TFAP2A: variants seen among roughly 807,000 people sequenced by gnomAD.
The protein encoded by TFAP2A is transcription factor AP-2-alpha.
Under a neutral mutation model 41.5 loss-of-function variants are expected in TFAP2A, and 7 were observed. The observed-to-expected ratio is 0.17, with a 90% CI of 0.10 to 0.32. The LOEUF (loss-of-function observed/expected upper bound fraction) is 0.32, where lower values mean the gene tolerates loss of function less well. Among genes scored for constraint, TFAP2A ranks in the 10% least tolerant of loss-of-function variants. TFAP2A has a pLI of 1.00. For missense variants in TFAP2A, 416 were observed against 563.3 expected (o/e 0.74, Z 2.65); for synonymous variants, 247 against 242.8 (o/e 1.02, Z -0.16).
intron 1 of TFAP2A, chr6:10,412,091 G>T (rs1757995637): frequency 1.0e-6 from 1 of 995,604 alleles, no homozygotes; most frequent in Admixed American, 5.6e-5. Context: ...GAAATCGAGC[G>T]TGAAGCGGAG....
Position 10,398,162 on chromosome 6 carries a change from A to G in TFAP2A, c.*255T>C. On this transcript the variant is annotated 3_prime_UTR_variant, in exon 7 of 7. Coordinates refer to ENST00000379613, the MANE Select transcript of TFAP2A (RefSeq NM_001372066.1). The surrounding 1 kb of genome is among the most constrained non-coding windows in gnomAD (Gnocchi z 5.3). ...CCTGTTCTGTTCTCTTAGGCTCCAC[A>G]TGAGGGCACAGGGGTGTGGGAGCGG... 5.6e-6 allele frequency: 8 copies of G among 1,422,064 alleles called. No homozygotes were observed. The highest frequency in any genetic ancestry group is 7.3e-6 in the Non-Finnish European group (8 of 1,091,252). 88.1% of individuals were successfully genotyped at this position (1,422,064 alleles called of 1,614,324 possible).
chr6:10,403,316 G>C (rs1392266019), intron 4 of TFAP2A, among the ~76,000 whole-genome samples: 1 of 152,160 alleles, frequency 6.6e-6, no homozygotes. Flanking sequence ...TAATTGTGTG[G>C]ATTAGATTAT....
chr6:10,415,206 G>A, upstream of TFAP2A: 2 of 1,475,118 alleles, frequency 1.4e-6, no homozygotes, highest in Non-Finnish European at 1.8e-6. Flanking sequence ...GGAGAAGGGC[G>A]AGGAGGAGGA....
At chr6:10,414,132 T>C (rs1758135356) in intron 1 of TFAP2A, among the ~76,000 whole-genome samples, 2 of 152,200 alleles carry the variant, frequency 1.3e-5, no homozygotes, top group African/African-American at 4.8e-5. Context: ...CCAGAGGTGG[T>C]CTGCAGCCGC....
chr6:10,400,385 G>T (rs79025376), intron 6 of TFAP2A, 63 bp downstream of exon 6: 22 of 1,610,274 alleles, frequency 1.4e-5, no homozygotes, highest in Non-Finnish European at 1.9e-5. Context: ...GAGCAAAAAC[G>T]ATTTTTGTTT....
rs544361557 is a variant in TFAP2A, at chr6:10,397,914, CTTTT to C, written c.*499_*502del. On this transcript the variant is annotated 3_prime_UTR_variant, in exon 7 of 7. Coordinates refer to ENST00000379613, the MANE Select transcript of TFAP2A (RefSeq NM_001372066.1). Reference sequence around the variant, plus strand: ...TAAAAATGTTGTCATCATCTTTTGGCTTTTTTTTTTTTTTTAAGTATGGCTACAA... The same window carrying C: ...TAAAAATGTTGTCATCATCTTTTGGCTTTTTTTTTTTAAGTATGGCTACAA... 1.2e-4 allele frequency: 111 copies of C among 902,584 alleles called. No homozygotes were observed. Among genetic ancestry groups the C allele is most frequent in the South Asian group, 4.2e-4 (8 of 19,262 alleles). The allele number at this position is 902,584 out of a possible 1,614,324, so 55.9% of individuals were successfully genotyped here.
chr6:10,413,866 G>GAAA (rs34252834), intron 1 of TFAP2A, among the ~76,000 whole-genome samples: 2 of 144,364 alleles, frequency 1.4e-5, no homozygotes, highest in African/African-American at 5.1e-5. Context: ...TGCCAAAAAA[G>GAAA]AAAAAAAAAA....
intron 1 of TFAP2A, chr6:10,411,055 C>T (rs1034569745): frequency 4.0e-5 from 6 of 149,702 alleles, no homozygotes; most frequent in African/African-American, 1.0e-4. Context: ...GGCCCCCCCC[C>T]CCCGCCCCTT....
upstream of TFAP2A, chr6:10,415,756 C>G (rs1029628328): frequency 1.3e-5 from 2 of 152,420 alleles, no homozygotes; most frequent in Non-Finnish European, 2.9e-5. Flanking sequence ...TTTTTCCCAA[C>G]AAGGGATCGC....
intron 2 of TFAP2A, chr6:10,407,095 G>A: frequency 1.8e-6 from 1 of 543,328 alleles, no homozygotes; most frequent in Non-Finnish European, 3.3e-6. Context: ...GGGTGGAGAT[G>A]GGGAATAAAA....
intron 1 of TFAP2A, chr6:10,411,848 T>C (rs1757986309): frequency 7.2e-7 from 1 of 1,391,102 alleles, no homozygotes; most frequent in Non-Finnish European, 9.4e-7. Flanking sequence ...CGCGACTGGT[T>C]ATGATTCAAA....
chr6:10,417,763 A>T (rs751101395), upstream of TFAP2A, among the ~76,000 whole-genome samples: 3 of 152,060 alleles, frequency 2.0e-5, no homozygotes, highest in Non-Finnish European at 1.5e-5. Flanking sequence ...CCGGGCCCCA[A>T]ATCCGCTCGC....
chr6:10,399,896 G>GTCTCTCTC (rs140854143), intron 6 of TFAP2A, among the ~76,000 whole-genome samples: 3,465 of 148,552 alleles, frequency 0.023, 71 homozygotes, highest in African/African-American at 0.053. Flanking sequence ...TGGGGTGTGG[G>GTCTCTCTC]TCTCTCTCTC....
chr6:10,398,246 G>A lies in TFAP2A; in HGVS notation c.*171C>T. On this transcript the variant is annotated 3_prime_UTR_variant, in exon 7 of 7. Coordinates refer to ENST00000379613, the MANE Select transcript of TFAP2A (RefSeq NM_001372066.1). This position sits in a 1 kb window ranked among gnomAD's most constrained non-coding sequence, Gnocchi z 5.3. ...GGCTGCCCCACTGACAGTCGAGAGG[G>A]CAGTCCCGGAGACTCGGGGGGACCC... 6.6e-7 allele frequency: 1 copy of A among 1,513,578 alleles called. No individual in the cohort carries two copies. The highest frequency in any genetic ancestry group is 8.8e-7 in the Non-Finnish European group (1 of 1,136,130). 93.8% of individuals were successfully genotyped at this position (1,513,578 alleles called of 1,614,324 possible). A position where few individuals can be genotyped will look rare whatever the true frequency, so the allele number is the denominator to read the frequency against.
At chr6:10,407,162 A>G (rs1317610511) in intron 2 of TFAP2A, 2 of 380,246 alleles carry the variant, frequency 5.3e-6, no homozygotes, top group East Asian at 1.2e-4. Flanking sequence ...AGTCAGTTCA[A>G]CATTTAGAAA....
upstream of TFAP2A, chr6:10,416,469 A>G (rs754451013): frequency 3.2e-4 from 48 of 151,870 alleles, no homozygotes; most frequent in Non-Finnish European, 5.7e-4. Context: ...ACACTAGGAA[A>G]TACAGAGTAA....
intron 2 of TFAP2A, 89 bp downstream of exon 2, chr6:10,409,812 G>T: frequency 2.1e-6 from 3 of 1,447,938 alleles, no homozygotes; most frequent in African/African-American, 1.4e-5. Flanking sequence ...GAGAACCCGG[G>T]CCCACCGACT....
chr6:10,411,490 G>A (rs1483769340), intron 1 of TFAP2A: 18 of 1,610,950 alleles, frequency 1.1e-5, no homozygotes, highest in Non-Finnish European at 1.5e-5. Flanking sequence ...GAAACCCGAG[G>A]TTTCGGGCAG....
rs1757727768 is a variant in TFAP2A, at chr6:10,406,651, T to A, written c.538+142A>T. On this transcript the variant is annotated intron_variant, in intron 3 of 6. Coordinates refer to ENST00000379613, the MANE Select transcript of TFAP2A (RefSeq NM_001372066.1). ...ATACTGAAGGCTGATTATTTAAGCATTGCTGTTCTGTGCCTATCTATTTGC... is the reference window on the plus strand; with the variant it reads ...ATACTGAAGGCTGATTATTTAAGCAATGCTGTTCTGTGCCTATCTATTTGC... 2.8e-5 allele frequency: 21 copies of A among 743,774 alleles called. 1 individual carries two copies. In the South Asian group the frequency reaches 3.1e-4, roughly 11 times the overall value. 46.1% of individuals were successfully genotyped at this position (743,774 alleles called of 1,614,324 possible).
Sources: gnomAD v4.1 joint callset for allele counts (sites outside exome capture counted in the v4.1 genomes callset) on GRCh38, gnomAD v4.1.1 for gene constraint, Gnocchi (gnomAD v3.1) non-coding constraint, MANE v1.5 for transcripts, NCBI Gene and HGNC (gene_info 2026-07-23, HGNC 2026-07-21) for gene names.